CNBD1: variants seen among roughly 807,000 people sequenced by gnomAD.
The protein encoded by CNBD1 is cyclic nucleotide-binding domain-containing protein 1.
Under a neutral mutation model 54.4 loss-of-function variants are expected in CNBD1, and 71 were observed. That is an observed-to-expected ratio of 1.30 (90% CI 1.08 to 1.59). The LOEUF (loss-of-function observed/expected upper bound fraction) is 1.59. Ranked by LOEUF, CNBD1 falls within the 40% of genes most tolerant of loss-of-function variation. CNBD1 has a pLI of 0.00. For synonymous variants in CNBD1, 182 were observed against 170.7 expected (o/e 1.07, Z -0.51); for missense variants, 659 against 518.0 (o/e 1.27, Z -2.64).
At chr8:87,423,468 G>A (rs1395339399) in intron 2 of CNBD1, among the ~76,000 whole-genome samples, 1 of 151,782 alleles carries the variant, frequency 6.6e-6, no homozygotes, top group Non-Finnish European at 1.5e-5. Context: ...CTACTTTATT[G>A]AGAGTTTTTA....
intron 4 of CNBD1, among the ~76,000 whole-genome samples, chr8:87,193,723 C>T (rs1813657895): frequency 6.6e-6 from 1 of 151,974 alleles, no homozygotes; most frequent in Non-Finnish European, 1.5e-5. Context: ...AGGGAACTGT[C>T]TTAACAGAAT....
chr8:87,396,424 T>TA (rs1162139606), intron 2 of CNBD1, among the ~76,000 whole-genome samples: 1 of 151,918 alleles, frequency 6.6e-6, no homozygotes, highest in African/African-American at 2.4e-5. Flanking sequence ...AATCAGCTGC[T>TA]TTTGCTGGTG....
chr8:87,426,581 C>A (rs956596472), intron 2 of CNBD1, among the ~76,000 whole-genome samples: 2 of 152,160 alleles, frequency 1.3e-5, no homozygotes, highest in African/African-American at 4.8e-5. Context: ...TTTTATCAAG[C>A]TACACAGAAC....
At chr8:87,383,644 C>T (rs1051227548), downstream of CNBD1, among the ~76,000 whole-genome samples, 1 of 152,054 alleles carries the variant, frequency 6.6e-6, no homozygotes, top group Non-Finnish European at 1.5e-5. Context: ...AAGCTTTACA[C>T]CACAGGAATT....
At position 87,074,748 on chromosome 8, in the gene CNBD1, G is replaced by A. The variant is rs1208366600; in HGVS notation, c.432-131245G>A. On this transcript the variant is annotated intron_variant, in intron 4 of 10. Transcript: ENST00000518476. ...CCCTGCTTTTCTTCATTCTCCGTGG[G>A]TCAGCTTGTTTGCCTAATCAGTCCC... Among the ~76,000 whole-genome samples, 5 of 152,110 alleles carry A rather than the reference G, an allele frequency of 3.3e-5. No individual in the cohort carries two copies. In the South Asian group the frequency reaches 8.3e-4, roughly 25 times the overall value.
chr8:87,385,847 C>A (rs554052933), downstream of CNBD1, among the ~76,000 whole-genome samples: 5 of 152,146 alleles, frequency 3.3e-5, no homozygotes, highest in Admixed American at 2.6e-4. Context: ...CCCCGAGTAG[C>A]CTAACTGGGA....
intron 4 of CNBD1, among the ~76,000 whole-genome samples, chr8:87,057,530 C>T (rs759818998): frequency 6.6e-6 from 1 of 152,172 alleles, no homozygotes; most frequent in Non-Finnish European, 1.5e-5. Context: ...CTGGCCCCTT[C>T]CACATGTCAT....
intron 4 of CNBD1, among the ~76,000 whole-genome samples, chr8:87,151,351 A>C (rs1812600060): frequency 6.6e-6 from 1 of 152,228 alleles, no homozygotes; most frequent in Non-Finnish European, 1.5e-5. Flanking sequence ...AATGTTCAAA[A>C]TTCTCCATAC....
intron 4 of CNBD1, among the ~76,000 whole-genome samples, chr8:86,948,431 T>C (rs555369063): frequency 1.3e-5 from 2 of 152,232 alleles, no homozygotes; most frequent in South Asian, 4.2e-4. Context: ...TTATTGCCTA[T>C]CTTTTGGATA....
chr8:87,244,748 T>C (rs1361215826), intron 6 of CNBD1, among the ~76,000 whole-genome samples: 1 of 152,140 alleles, frequency 6.6e-6, no homozygotes, highest in Non-Finnish European at 1.5e-5. Flanking sequence ...AGTATAAGTA[T>C]GCTAGGAGCT....
At chr8:86,977,878 T>C (rs1386567954) in intron 4 of CNBD1, among the ~76,000 whole-genome samples, 4 of 152,100 alleles carry the variant, frequency 2.6e-5, no homozygotes, top group African/African-American at 9.7e-5. Flanking sequence ...TTCCAAACCA[T>C]TTTAAGAGAT....
At chr8:87,324,488 A>G (rs1356537146) in intron 8 of CNBD1, among the ~76,000 whole-genome samples, 2 of 147,100 alleles carry the variant, frequency 1.4e-5, no homozygotes, top group Middle Eastern at 3.5e-3. Context: ...AGCTCCTGTT[A>G]TTGGTCTATT....
chr8:87,229,874 G>A (rs950578404), intron 5 of CNBD1, among the ~76,000 whole-genome samples: 21 of 152,144 alleles, frequency 1.4e-4, no homozygotes, highest in Non-Finnish European at 2.5e-4. Flanking sequence ...GGAAATAATT[G>A]AGGGTCAATT....
At chr8:87,210,538 G>T (rs1418400616) in intron 5 of CNBD1, among the ~76,000 whole-genome samples, 3 of 152,180 alleles carry the variant, frequency 2.0e-5, no homozygotes, top group Non-Finnish European at 4.4e-5. Context: ...ACAGAACCCT[G>T]CTGCCCTGCA....
chr8:87,140,419 C>T (rs1329647476), intron 4 of CNBD1, among the ~76,000 whole-genome samples: 1 of 152,136 alleles, frequency 6.6e-6, no homozygotes, highest in Non-Finnish European at 1.5e-5. Context: ...ATTGATACTT[C>T]CTCAAACATA....
intron 4 of CNBD1, among the ~76,000 whole-genome samples, chr8:86,989,012 G>C (rs540687684): frequency 6.6e-6 from 1 of 152,088 alleles, no homozygotes; most frequent in African/African-American, 2.4e-5. Context: ...GCTCATACCT[G>C]TAACCCCAGC....
intron 4 of CNBD1, among the ~76,000 whole-genome samples, chr8:86,999,343 G>A (rs1808945602): frequency 6.6e-6 from 1 of 152,056 alleles, no homozygotes. Flanking sequence ...TTTCTTCTAG[G>A]GCTTCTGTGG....
intron 4 of CNBD1, among the ~76,000 whole-genome samples, chr8:87,092,549 A>G (rs1326336674): frequency 1.4e-5 from 1 of 74,032 alleles, no homozygotes. Context: ...GTGTGTATAT[A>G]TATATATACA....
At chr8:87,021,950 T>C (rs1021668445) in intron 4 of CNBD1, among the ~76,000 whole-genome samples, 2 of 151,856 alleles carry the variant, frequency 1.3e-5, no homozygotes, top group African/African-American at 2.4e-5. Flanking sequence ...AATAGATAAG[T>C]ATTTTTATGA....
Sources: allele counts gnomAD v4.1 joint callset (sites outside exome capture counted in the v4.1 genomes callset), GRCh38; gene constraint gnomAD v4.1.1; transcripts MANE v1.5; gene names NCBI Gene and HGNC (gene_info 2026-07-23, HGNC 2026-07-21).